The following DLG5 variants were observed in gnomAD, a reference collection of about 807,000 sequenced individuals.
DLG5 encodes the protein disks large homolog 5.
Under a neutral mutation model 189.8 loss-of-function variants are expected in DLG5, and 48 were observed. The ratio of observed to expected loss-of-function variants is 0.25; its 90% CI spans 0.20 to 0.32. The LOEUF is 0.32. Among genes scored for constraint, DLG5 ranks in the 10% least tolerant of loss-of-function variants. The pLI is 1.00. For missense variants in DLG5, 2,160 were observed against 2,544.7 expected (o/e 0.85, Z 3.25); for synonymous variants, 1,016 against 1,054.1 (o/e 0.96, Z 0.70).
intron 1 of DLG5, among the ~76,000 whole-genome samples, chr10:77,883,990 C>T (rs994941736): frequency 3.3e-5 from 5 of 152,180 alleles, no homozygotes; most frequent in African/African-American, 7.2e-5. Context: ...TGAGCCATCA[C>T]GCCTGGCCTG....
At chr10:77,916,597 C>A (rs1589280588) in intron 1 of DLG5, among the ~76,000 whole-genome samples, 1 of 152,032 alleles carries the variant, frequency 6.6e-6, no homozygotes, top group African/African-American at 2.4e-5. Flanking sequence ...CGGCCAAAAA[C>A]AATTTTTAGA....
intron 14 of DLG5, among the ~76,000 whole-genome samples, chr10:77,823,621 C>T (rs1221192622): frequency 6.6e-6 from 1 of 151,732 alleles, no homozygotes; most frequent in East Asian, 1.9e-4. Flanking sequence ...ACCTCCGCCT[C>T]CTGGGTTCAA....
At chr10:77,936,225 G>A in the DLG5 span, among the ~76,000 whole-genome samples, 1 of 152,132 alleles carries the variant, frequency 6.6e-6, no homozygotes, top group Non-Finnish European at 1.5e-5. Context: ...GGATCACGAG[G>A]TCAGGAGATC....
intron 1 of DLG5, among the ~76,000 whole-genome samples, chr10:77,892,480 AG>A (rs1845638527): frequency 6.6e-6 from 1 of 152,230 alleles, no homozygotes; most frequent in African/African-American, 2.4e-5. Context: ...GTTATCAGGA[AG>A]AGTCACAGAA....
At chr10:77,906,617 C>CT (rs35116526) in intron 1 of DLG5, among the ~76,000 whole-genome samples, 52,133 of 102,140 alleles carry the variant, frequency 0.51, 15,141 homozygotes, top group East Asian at 0.69. Flanking sequence ...CTGCGCTCCA[C>CT]TTTTTTTTTT....
intron 15 of DLG5, 118 bp from the exon 16 acceptor site, chr10:77,820,136 A>C (rs1842268373): frequency 2.1e-6 from 3 of 1,407,346 alleles, no homozygotes; most frequent in Non-Finnish European, 2.9e-6. Flanking sequence ...ACCTAAGGTC[A>C]GGAGTTCAAG....
At chr10:77,872,507 A>G (rs1844939840) in intron 1 of DLG5, among the ~76,000 whole-genome samples, 1 of 152,196 alleles carries the variant, frequency 6.6e-6, no homozygotes. Context: ...GGGAGCTGGC[A>G]GGGCTCCTAG....
intron 2 of DLG5, chr10:77,868,759 C>T: frequency 3.7e-6 from 1 of 273,478 alleles, no homozygotes; most frequent in South Asian, 4.5e-5. Flanking sequence ...TCAGCATGGA[C>T]TGGCAATGCC....
intron 2 of DLG5, among the ~76,000 whole-genome samples, chr10:77,867,707 G>A (rs978639388): frequency 1.3e-5 from 2 of 152,246 alleles, no homozygotes; most frequent in Non-Finnish European, 2.9e-5. Context: ...TCCCAATCCA[G>A]TAAATGTGAA....
In DLG5 at chr10:77,869,155, TC is replaced by T; in HGVS notation, c.346del (p.Glu116LysfsTer27). 6.2e-7 allele frequency: 1 copy of T among 1,613,848 alleles called. No individual in the cohort carries two copies. Among genetic ancestry groups the T allele is most frequent in the Non-Finnish European group, 8.5e-7 (1 of 1,179,940 alleles). On this transcript the variant is annotated frameshift_variant, in exon 2 of 32. Coordinates refer to ENST00000372391, the MANE Select transcript of DLG5 (RefSeq NM_004747.4). LOFTEE classifies it high-confidence loss of function. ...SVLSTMPSDSESSSSLSSVGT... is the reference protein window; with the variant it reads ...SVLSTMPSDSXSSSSLSSVGT... ...CACACTGCTGAGGGAGCTGCTGCTT[TC>T]TGAGTCTGAGGGCATGGTGGACAGG... is the stretch of plus-strand genomic sequence containing the variant.
chr10:77,834,500 G>C (rs1236905435), intron 8 of DLG5, among the ~76,000 whole-genome samples: 1 of 152,124 alleles, frequency 6.6e-6, no homozygotes, highest in Non-Finnish European at 1.5e-5. Flanking sequence ...CCTGTACCCT[G>C]CAACTAGGAA....
Position 77,794,001 on chromosome 10 carries a change from C to T in DLG5, c.5656+7G>A. 6.2e-7 allele frequency: 1 copy of T among 1,613,478 alleles called. No individual in the cohort carries two copies. The highest frequency in any genetic ancestry group is 1.1e-5 in the South Asian group (1 of 91,068). ...CTGCTCCCCACTCCAGGCCCACGCA[C>T]ACCTACCTGTGAAGTACCTGCTGTA... On this transcript the variant is annotated splice_region_variant and intron_variant, in intron 31 of 31. Transcript: ENST00000372391.
chr10:77,903,826 C>T (rs79641880), intron 1 of DLG5, among the ~76,000 whole-genome samples: 3,388 of 152,202 alleles, frequency 0.022, 127 homozygotes, highest in African/African-American at 0.076. Flanking sequence ...GGATATTCTG[C>T]CTGTTACAGC....
chr10:77,921,832 T>G lies in DLG5; in HGVS notation c.304+4385A>C, dbSNP rs1269030735. Among the ~76,000 whole-genome samples the G allele has an allele frequency of 4.0e-5, 6 of 151,710 alleles. No homozygotes were observed. In the East Asian group the frequency reaches 1.2e-3, roughly 29 times the overall value. ...GAAAGTAAAGAGGAGGCACAGGAGG[T>G]GTGGGGAGTGGGAACGAGAAGGAAA... is the stretch of plus-strand genomic sequence containing the variant. On this transcript the variant is annotated intron_variant, in intron 1 of 31. Coordinates refer to ENST00000372391, the MANE Select transcript of DLG5 (RefSeq NM_004747.4).
chr10:77,815,976 G>T, intron 20 of DLG5: 1 of 386,558 alleles, frequency 2.6e-6, no homozygotes, highest in South Asian at 1.9e-5. Context: ...AACCTAAGAT[G>T]GACCTACATT....
At chr10:77,905,600 A>G (rs1846050804) in intron 1 of DLG5, among the ~76,000 whole-genome samples, 1 of 152,200 alleles carries the variant, frequency 6.6e-6, no homozygotes, top group South Asian at 2.1e-4. Flanking sequence ...ACAGCTATGT[A>G]ACAGCATGGG....
chr10:77,852,646 C>T (rs545860198), intron 5 of DLG5, among the ~76,000 whole-genome samples: 20 of 152,158 alleles, frequency 1.3e-4, no homozygotes, highest in South Asian at 4.2e-4. Flanking sequence ...CTCCTGACCT[C>T]GTGATCTGCC....
At chr10:77,830,118 G>T in intron 11 of DLG5, 99 bp downstream of exon 11, 1 of 1,491,750 alleles carries the variant, frequency 6.7e-7, no homozygotes, top group South Asian at 1.3e-5. Flanking sequence ...GTCTAAGGCT[G>T]GGAAACGTTC....
intron 29 of DLG5, 151 bp downstream of exon 29, chr10:77,795,910 C>A: frequency 8.3e-7 from 1 of 1,203,918 alleles, no homozygotes; most frequent in East Asian, 2.3e-5. Flanking sequence ...TGAGGGCAAG[C>A]CCAGGCACAG....
Sources: gnomAD v4.1 joint callset for allele counts (sites outside exome capture counted in the v4.1 genomes callset) on GRCh38, gnomAD v4.1.1 for gene constraint, MANE v1.5 for transcripts, NCBI Gene and HGNC (gene_info 2026-07-23, HGNC 2026-07-21) for gene names.